The following MEI4 variants were observed in gnomAD, a reference collection of about 807,000 sequenced individuals.
MEI4 encodes the protein meiosis-specific protein MEI4.
Under a neutral mutation model 31.4 loss-of-function variants are expected in MEI4, and 27 were observed. The ratio of observed to expected loss-of-function variants is 0.86; its 90% CI spans 0.63 to 1.19. MEI4 has a LOEUF of 1.19. MEI4 is among the 50% of genes most tolerant of loss of function. The pLI, the probability that MEI4 is intolerant of heterozygous loss-of-function variation, is 0.00. For synonymous variants in MEI4, 122 were observed against 145.4 expected, an observed-to-expected ratio of 0.84 and a Z score of 1.16; for missense variants, 329 against 398.9, an observed-to-expected ratio of 0.82 and a Z score of 1.49.
Position 77,690,824 on chromosome 6 carries a change from T to A in MEI4, c.153T>A (p.Val51=), listed in dbSNP as rs894374905. 1.6e-6 allele frequency: 2 copies of A among 1,231,498 alleles called. No individual in the cohort carries two copies. The highest frequency in any genetic ancestry group is 3.1e-5 in the African/African-American group (2 of 64,380). 76.3% of individuals were successfully genotyped at this position (1,231,498 alleles called of 1,614,324 possible). The part of the protein sequence containing the change: ...SEEQSKWRSK[V]EILEAEVMQL... ...AGCAGTCAAAATGGAGATCAAAAGT[T>A]GAAATCTTGGAAGCTGAAGTTATGC... The change falls in exon 2 of 5, where the codon GTT becomes GTA. Residue 51 remains valine, a synonymous_variant. Coordinates refer to ENST00000684080, the MANE Select transcript of MEI4 (RefSeq NM_001322247.2).
chr6:77,789,290 A>G (rs192936517), intron 3 of MEI4, among the ~76,000 whole-genome samples: 1 of 152,328 alleles, frequency 6.6e-6, no homozygotes, highest in Admixed American at 6.5e-5. Context: ...TAGACCTAAA[A>G]CCATAAAAAC....
chr6:77,840,605 A>G (rs965435871), intron 4 of MEI4, among the ~76,000 whole-genome samples: 1 of 152,132 alleles, frequency 6.6e-6, no homozygotes, highest in Non-Finnish European at 1.5e-5. Flanking sequence ...TTAATTTTTA[A>G]AATTTTTAAT....
chr6:77,833,868 G>A (rs770872032), intron 4 of MEI4, among the ~76,000 whole-genome samples: 4 of 152,130 alleles, frequency 2.6e-5, no homozygotes, highest in Non-Finnish European at 5.9e-5. Context: ...TCCCACTTAT[G>A]AGTGGGAACA....
At chr6:77,889,203 T>C (rs766614111) in intron 4 of MEI4, among the ~76,000 whole-genome samples, 3 of 152,098 alleles carry the variant, frequency 2.0e-5, no homozygotes, top group Non-Finnish European at 2.9e-5. Context: ...ACTTTGGAAC[T>C]GGGTAATAGG....
At chr6:77,865,879 A>C (rs77878514) in intron 4 of MEI4, among the ~76,000 whole-genome samples, 44,610 of 151,882 alleles carry the variant, frequency 0.29, 7,117 homozygotes, top group South Asian at 0.38. Flanking sequence ...AGCTTATCCA[A>C]CATGATCAAG....
chr6:77,912,539 G>T (rs1766455839), intron 4 of MEI4, among the ~76,000 whole-genome samples: 1 of 151,940 alleles, frequency 6.6e-6, no homozygotes, highest in Admixed American at 6.6e-5. Flanking sequence ...AACCACTGTG[G>T]TTACATGTTT....
intron 2 of MEI4, among the ~76,000 whole-genome samples, chr6:77,737,098 C>G (rs1767265517): frequency 6.6e-6 from 1 of 152,166 alleles, no homozygotes; most frequent in Non-Finnish European, 1.5e-5. Context: ...GGAAAACATG[C>G]TGCATTCTGT....
intron 4 of MEI4, among the ~76,000 whole-genome samples, chr6:77,837,500 C>G (rs1270846064): frequency 3.3e-5 from 5 of 152,096 alleles, no homozygotes; most frequent in Non-Finnish European, 7.4e-5. Flanking sequence ...TAAATGAGAC[C>G]AAAGAGACTT....
At chr6:77,911,133 A>G (rs1487277141) in intron 4 of MEI4, among the ~76,000 whole-genome samples, 1 of 151,604 alleles carries the variant, frequency 6.6e-6, no homozygotes, top group Non-Finnish European at 1.5e-5. Flanking sequence ...TTATTGTTGC[A>G]TTGCTTGAGT....
At chr6:77,773,571 C>T (rs759437096) in intron 3 of MEI4, among the ~76,000 whole-genome samples, 1 of 151,810 alleles carries the variant, frequency 6.6e-6, no homozygotes, top group Non-Finnish European at 1.5e-5. Context: ...AACTATGAAG[C>T]AACATTGGGA....
chr6:77,834,405 AATTAT>A (rs888229626), intron 4 of MEI4, among the ~76,000 whole-genome samples: 34 of 147,626 alleles, frequency 2.3e-4, no homozygotes, highest in South Asian at 4.2e-4. Context: ...TATAATATAA[AATTAT>A]ATTATATATT....
At chr6:77,718,638 G>A (rs1185762836) in intron 2 of MEI4, among the ~76,000 whole-genome samples, 2 of 143,942 alleles carry the variant, frequency 1.4e-5, no homozygotes, top group Non-Finnish European at 3.1e-5. Flanking sequence ...TCCCATGGTC[G>A]GTCCATGGAC....
chr6:77,882,371 C>T (rs1272085667), intron 4 of MEI4, among the ~76,000 whole-genome samples: 1 of 152,180 alleles, frequency 6.6e-6, no homozygotes, highest in Non-Finnish European at 1.5e-5. Context: ...ATCATTTCCA[C>T]ATTTTTCAGA....
intron 4 of MEI4, among the ~76,000 whole-genome samples, chr6:77,830,511 A>G (rs750426682): frequency 1.3e-5 from 2 of 152,068 alleles, no homozygotes; most frequent in Non-Finnish European, 2.9e-5. Context: ...CCATAATTCA[A>G]ACCCAGATGT....
At chr6:77,679,606 G>A (rs564094152) in intron 1 of MEI4, among the ~76,000 whole-genome samples, 1 of 152,236 alleles carries the variant, frequency 6.6e-6, no homozygotes, top group East Asian at 1.9e-4. Context: ...GACAGCAGTT[G>A]TTAGACTGCA....
intron 2 of MEI4, among the ~76,000 whole-genome samples, chr6:77,726,820 A>G (rs1287801202): frequency 5.8e-5 from 3 of 51,816 alleles, no homozygotes; most frequent in African/African-American, 1.9e-4. Flanking sequence ...TGCATTTTGT[A>G]ACAGACAAAA....
At chr6:77,741,142 A>C (rs1767389854) in intron 2 of MEI4, among the ~76,000 whole-genome samples, 1 of 152,170 alleles carries the variant, frequency 6.6e-6, no homozygotes, top group Non-Finnish European at 1.5e-5. Context: ...AAACCTGTGC[A>C]GTTATGTTAA....
chr6:77,854,682 C>T (rs1209094091), intron 4 of MEI4, among the ~76,000 whole-genome samples: 1 of 151,954 alleles, frequency 6.6e-6, no homozygotes, highest in Non-Finnish European at 1.5e-5. Context: ...TGACAGAGCA[C>T]AGAAAAGGTA....
intron 1 of MEI4, among the ~76,000 whole-genome samples, chr6:77,680,576 C>A (rs1768939327): frequency 6.6e-6 from 1 of 152,230 alleles, no homozygotes; most frequent in African/African-American, 2.4e-5. Context: ...AAGGAATGAG[C>A]TTAAAGGGCC....
Sources: allele counts gnomAD v4.1 joint callset (sites outside exome capture counted in the v4.1 genomes callset), GRCh38; gene constraint gnomAD v4.1.1; transcripts MANE v1.5; gene names NCBI Gene and HGNC (gene_info 2026-07-23, HGNC 2026-07-21).